The following TSR2 variants were observed in gnomAD, a reference collection of about 807,000 sequenced individuals.
TSR2 encodes pre-rRNA-processing protein TSR2 homolog.
TSR2 carries 1 observed loss-of-function variant against 13.3 expected under a neutral mutation model. That is an observed-to-expected ratio of 0.08 (90% CI 0.03 to 0.36). The LOEUF is 0.36. Ranked by LOEUF, TSR2 falls within the 10% of genes least tolerant of loss-of-function variation. The pLI, the probability that TSR2 is intolerant of heterozygous loss-of-function variation, is 0.99. For missense variants in TSR2, 120 were observed against 151.1 expected (o/e 0.79, Z 1.08); for synonymous variants, 60 against 57.7 (o/e 1.04, Z -0.18).
rs1469847742 is a variant in TSR2 at position 54,443,505 on chromosome X, G to A, written c.264+14G>A. The A allele has an allele frequency of 2.6e-6, 3 of 1,134,600 alleles. No homozygotes were observed. Among genetic ancestry groups the A allele is most frequent in the African/African-American group, 1.8e-5 (1 of 55,079 alleles). The allele number at this position is 1,134,600 out of a possible 1,213,427, so 93.5% of individuals were successfully genotyped here. A position where few individuals can be genotyped will look rare whatever the true frequency, so the allele number is the denominator to read the frequency against. Reference sequence around the variant, plus strand: ...AGTCTGCCCCAGGTGAGCTTATCACGGGCACAACTGCAGTCTCCCTACCTG... The same window carrying A: ...AGTCTGCCCCAGGTGAGCTTATCACAGGCACAACTGCAGTCTCCCTACCTG... On this transcript the variant is annotated intron_variant, in intron 3 of 4. Coordinates refer to ENST00000375151, the MANE Select transcript of TSR2 (RefSeq NM_058163.3).
Position 54,446,753 on chromosome X carries a change from T to C in TSR2, c.*2203T>C, listed in dbSNP as rs764668184. Among the ~76,000 whole-genome samples, 12 of 103,313 alleles carry C rather than the reference T, an allele frequency of 1.2e-4. No individual in the cohort carries two copies. The highest frequency in any genetic ancestry group is 2.0e-4 in the Non-Finnish European group (10 of 50,518). 89.7% of individuals were successfully genotyped at this position (103,313 alleles called of 115,157 possible). A position where few individuals can be genotyped will look rare whatever the true frequency, so the allele number is the denominator to read the frequency against. The stretch of plus-strand genomic sequence containing the variant: ...TTTTTTTTTTTTTTGAGACAGAGTC[T>C]TGCCCTGTTGCCCAGGCTGGAGTGC... On this transcript the variant is annotated 3_prime_UTR_variant, in exon 5 of 5. Transcript: ENST00000375151.
Position 54,440,412 on chromosome X carries a change from G to A in TSR2, c.-10G>A, listed in dbSNP as rs2147412425. On this transcript the variant is annotated 5_prime_UTR_variant, in exon 1 of 5. Coordinates refer to ENST00000375151, the MANE Select transcript of TSR2 (RefSeq NM_058163.3). ...GGCCGCCGGGACGTCACGTGGACTGGGGCCGGATAATGGCGGGCGCTGCAG... is the reference window on the plus strand; with the variant it reads ...GGCCGCCGGGACGTCACGTGGACTGAGGCCGGATAATGGCGGGCGCTGCAG... 8.8e-7 allele frequency: 1 copy of A among 1,133,911 alleles called. No individual in the cohort carries two copies. Among genetic ancestry groups the A allele is most frequent in the Non-Finnish European group, 1.2e-6 (1 of 860,430 alleles). The allele number at this position is 1,133,911 out of a possible 1,213,427, so 93.4% of individuals were successfully genotyped here.
At position 54,440,431 on chromosome X, in the gene TSR2, G is replaced by C. The variant is rs200200500; in HGVS notation, c.10G>C (p.Ala4Pro). The C allele has an allele frequency of 8.9e-7, 1 of 1,119,891 alleles. No homozygotes were observed. Among genetic ancestry groups the C allele is most frequent in the East Asian group, 3.3e-5 (1 of 30,334 alleles). The allele number at this position is 1,119,891 out of a possible 1,213,427, so 92.3% of individuals were successfully genotyped here. The change falls in exon 1 of 5, where the codon GCT becomes CCT. Residue 4 changes from alanine to proline, a missense_variant. This residue lies in a region of TSR2 where 53 missense variants were observed against 52.3 expected (regional missense o/e 1.01). Coordinates refer to ENST00000375151, the MANE Select transcript of TSR2 (RefSeq NM_058163.3). ...GGACTGGGGCCGGATAATGGCGGGC[G>C]CTGCAGAAGATGCGCGAGCTCTTTT... Reference protein sequence around the residue: MAGAAEDARALFRA... With the variant: MAGPAEDARALFRA...
intron 2 of TSR2, among the ~76,000 whole-genome samples, chrX:54,441,737 G>T (rs1002582728): frequency 9.0e-6 from 1 of 111,149 alleles, no homozygotes; most frequent in Admixed American, 9.6e-5. Context: ...GTGTGTGCGT[G>T]GGGGGTGGAG....
At chrX:54,442,501 T>C (rs1921972540) in intron 2 of TSR2, among the ~76,000 whole-genome samples, 1 of 111,563 alleles carries the variant, frequency 9.0e-6, no homozygotes, top group East Asian at 2.8e-4. Flanking sequence ...CAGAGTAGTC[T>C]CAGTTGGAGA....
At position 54,447,590 on chromosome X, in the gene TSR2, T is replaced by C. The variant is rs1922256163; in HGVS notation, c.*3040T>C. On this transcript the variant is annotated 3_prime_UTR_variant, in exon 5 of 5. Transcript: ENST00000375151. ...GCTCAAGCTCAGGTGGCAGGAGTGA[T>C]TTGTCCAGTGCCACCCAGTGAATCA... is the stretch of plus-strand genomic sequence containing the variant. 1 of 687,626 alleles carries C rather than the reference T, an allele frequency of 1.5e-6. No individual in the cohort carries two copies. Among genetic ancestry groups the C allele is most frequent in the East Asian group, 3.5e-5 (1 of 28,436 alleles). The allele number at this position is 687,626 out of a possible 1,213,427, so 56.7% of individuals were successfully genotyped here. A position where few individuals can be genotyped will look rare whatever the true frequency, so the allele number is the denominator to read the frequency against.
intron 2 of TSR2, among the ~76,000 whole-genome samples, chrX:54,442,477 G>A (rs975659079): frequency 7.2e-5 from 8 of 111,804 alleles, no homozygotes; most frequent in African/African-American, 9.8e-5. Flanking sequence ...CGGCATCTGT[G>A]AAACGTCCAG....
chrX:54,443,366 C>G (rs1921997115), intron 2 of TSR2, 34 bp from the exon 3 acceptor site: 4 of 1,115,192 alleles, frequency 3.6e-6, no homozygotes, highest in Non-Finnish European at 2.5e-6. Context: ...GTTGGCTGGT[C>G]TTTGACCCAA....
Position 54,440,694 on chromosome X carries a change from C to T in TSR2, c.86C>T (p.Ala29Val). The change falls in exon 2 of 5, where the codon GCT (alanine) becomes GTT (valine). Residue 29 changes from alanine (A) to valine (V), a missense_variant. Transcript: ENST00000375151. ...ALEAWPALQIAVENGFGGVHS... is the reference protein window; with the variant it reads ...ALEAWPALQIVVENGFGGVHS... ...GGCTTGGACCTGTGTTTACAGATCG[C>T]TGTGGAGAATGGCTTCGGGGGTGTG... 8.3e-7 allele frequency: 1 copy of T among 1,210,431 alleles called. No individual in the cohort carries two copies. The highest frequency in any genetic ancestry group is 1.1e-6 in the Non-Finnish European group (1 of 894,675).
rs1459484779 is a variant in TSR2 at position 54,441,391 on chromosome X, G to A, written c.172+611G>A. On this transcript the variant is annotated intron_variant, in intron 2 of 4. Coordinates refer to ENST00000375151, the MANE Select transcript of TSR2 (RefSeq NM_058163.3). ...GGCCCAGTAGAGGGCCTGTTGCATAGTATGGTTTTTAAAAAAATCTTCATT... is the reference window on the plus strand; with the variant it reads ...GGCCCAGTAGAGGGCCTGTTGCATAATATGGTTTTTAAAAAAATCTTCATT... Among the ~76,000 whole-genome samples the A allele has an allele frequency of 1.8e-5, 2 of 111,766 alleles. 1 individual carries two copies. The highest frequency in any genetic ancestry group is 6.5e-5 in the African/African-American group (2 of 30,783).
intron 2 of TSR2, among the ~76,000 whole-genome samples, chrX:54,442,317 G>C (rs1921965735): frequency 9.0e-6 from 1 of 111,164 alleles, no homozygotes; most frequent in African/African-American, 3.3e-5. Flanking sequence ...AGATTGGTTG[G>C]CTGTAGACAG....
intron 2 of TSR2, among the ~76,000 whole-genome samples, chrX:54,442,807 A>G (rs1279527701): frequency 1.8e-5 from 2 of 112,376 alleles, no homozygotes; most frequent in African/African-American, 6.5e-5. Flanking sequence ...GGCTTCTTTT[A>G]TCAGTGGAAC....
Position 54,445,886 on chromosome X carries a change from C to T in TSR2, c.*1336C>T. 4.9e-6 allele frequency: 2 copies of T among 408,032 alleles called. No homozygotes were observed. Among genetic ancestry groups the T allele is most frequent in the Non-Finnish European group, 8.5e-6 (2 of 236,366 alleles). 33.6% of individuals were successfully genotyped at this position (408,032 alleles called of 1,213,427 possible). On this transcript the variant is annotated 3_prime_UTR_variant, in exon 5 of 5. Transcript: ENST00000375151. ...CAACGGCTCCCACCCTCCCTGGGGACAGGGATTAATAAAAATTGACATCAC... is the reference window on the plus strand; with the variant it reads ...CAACGGCTCCCACCCTCCCTGGGGATAGGGATTAATAAAAATTGACATCAC...
Position 54,440,447 on chromosome X carries a change from G to A in TSR2, c.26G>A (p.Arg9Gln). 8.9e-7 allele frequency: 1 copy of A among 1,129,052 alleles called. No homozygotes were observed. Among genetic ancestry groups the A allele is most frequent in the Non-Finnish European group, 1.2e-6 (1 of 858,447 alleles). 93.0% of individuals were successfully genotyped at this position (1,129,052 alleles called of 1,213,427 possible). The change falls in exon 1 of 5, where the codon CGA becomes CAA. Residue 9 changes from arginine to glutamine, a missense_variant. Physicochemically the swap from Arg to Gln is conservative, Grantham distance 43. Around this residue, in one of 3 missense-constraint regions of TSR2, gnomAD observed 53 missense variants for 52.3 expected, o/e 1.01. Coordinates refer to ENST00000375151, the MANE Select transcript of TSR2 (RefSeq NM_058163.3). MAGAAEDA[R>Q]ALFRAGVCAA... ...ATGGCGGGCGCTGCAGAAGATGCGC[G>A]AGCTCTTTTCCGGGCTGGGGTCTGC...
In TSR2 at chrX:54,445,903, T is replaced by A; in HGVS notation, c.*1353T>A. ...CCTGGGGACAGGGATTAATAAAAAT[T>A]GACATCACTGTAGGAATATATTTTT... On this transcript the variant is annotated 3_prime_UTR_variant, in exon 5 of 5. Transcript: ENST00000375151. 4.8e-6 allele frequency: 2 copies of A among 416,140 alleles called. No individual in the cohort carries two copies. Among genetic ancestry groups the A allele is most frequent in the Non-Finnish European group, 8.3e-6 (2 of 239,529 alleles). 34.3% of individuals were successfully genotyped at this position (416,140 alleles called of 1,213,427 possible). A position where few individuals can be genotyped will look rare whatever the true frequency, so the allele number is the denominator to read the frequency against.
At chrX:54,440,626 G>A in intron 1 of TSR2, 64 bp from the exon 2 acceptor site, 1 of 1,150,606 alleles carries the variant, frequency 8.7e-7, no homozygotes, top group South Asian at 1.9e-5. Flanking sequence ...CGGCGTAAGC[G>A]GCCTCCAGGC....
Position 54,440,452 on chromosome X carries a change from CT to C in TSR2, c.35del (p.Phe12SerfsTer51). 1 of 1,129,051 alleles carries C rather than the reference CT, an allele frequency of 8.9e-7. No homozygotes were observed. The highest frequency in any genetic ancestry group is 1.2e-6 in the Non-Finnish European group (1 of 858,276). 93.0% of individuals were successfully genotyped at this position (1,129,051 alleles called of 1,213,427 possible). MAGAAEDARA[L>X]FRAGVCAALE... ...GGGCGCTGCAGAAGATGCGCGAGCTCTTTTCCGGGCTGGGGTCTGCGCGGCC... is the reference window on the plus strand; with the variant it reads ...GGGCGCTGCAGAAGATGCGCGAGCTCTTTCCGGGCTGGGGTCTGCGCGGCC... On this transcript the variant is annotated frameshift_variant, in exon 1 of 5. Coordinates refer to ENST00000375151, the MANE Select transcript of TSR2 (RefSeq NM_058163.3). LOFTEE classifies it high-confidence loss of function.
rs199707257 is a variant in TSR2, at chrX:54,444,585, T to A, written c.*35T>A. On this transcript the variant is annotated 3_prime_UTR_variant, in exon 5 of 5. Transcript: ENST00000375151. Reference sequence around the variant, plus strand: ...ATTGGAAATGGCTTTGGGCCCTTATTTGCTGTTCTAAGAGTTGTCTGTAGG... The same window carrying A: ...ATTGGAAATGGCTTTGGGCCCTTATATGCTGTTCTAAGAGTTGTCTGTAGG... 2 of 1,199,989 alleles carry A rather than the reference T, an allele frequency of 1.7e-6. No homozygotes were observed. Among genetic ancestry groups the A allele is most frequent in the South Asian group, 3.6e-5 (2 of 55,063 alleles).
chrX:54,447,422 G>A lies in TSR2; in HGVS notation c.*2872G>A. 1 of 1,210,763 alleles carries A rather than the reference G, an allele frequency of 8.3e-7. No homozygotes were observed. The highest frequency in any genetic ancestry group is 1.1e-6 in the Non-Finnish European group (1 of 894,606). On this transcript the variant is annotated 3_prime_UTR_variant, in exon 5 of 5. Transcript: ENST00000375151. ...CCATGTAGTGCAGGAAGCTGCAGATGACGCTGTTCTCTGCAGCCACTGAGG... is the reference window on the plus strand; with the variant it reads ...CCATGTAGTGCAGGAAGCTGCAGATAACGCTGTTCTCTGCAGCCACTGAGG...
Sources: allele counts gnomAD v4.1 joint callset (sites outside exome capture counted in the v4.1 genomes callset), GRCh38; gene constraint gnomAD v4.1.1; regional missense constraint gnomAD v4.1.1; transcripts MANE v1.5; gene names NCBI Gene and HGNC (gene_info 2026-07-23, HGNC 2026-07-21).